GGT5: variants seen among roughly 807,000 people sequenced by gnomAD.
GGT5 encodes gamma-glutamyltransferase 5, also known as glutathione hydrolase 5 proenzyme.
Under a neutral mutation model 58.1 loss-of-function variants are expected in GGT5, and 50 were observed. That is an observed-to-expected ratio of 0.86 (90% confidence interval 0.69 to 1.09). The LOEUF (loss-of-function observed/expected upper bound fraction) is 1.09. Ranked by LOEUF, GGT5 falls within the 50% of genes least tolerant of loss-of-function variation. The pLI, the probability that GGT5 is intolerant of heterozygous loss-of-function variation, is 0.00. For synonymous variants in GGT5, 370 were observed against 346.1 expected, an observed-to-expected ratio of 1.07 and a Z score of -0.77; for missense variants, 800 against 789.4, an observed-to-expected ratio of 1.01 and a Z score of -0.16.
chr22:24,240,126 A>T (rs1043418842), intron 1 of GGT5, among the ~76,000 whole-genome samples: 2 of 152,214 alleles, frequency 1.3e-5, no homozygotes, highest in Non-Finnish European at 2.9e-5. Flanking sequence ...GTACTAGCTC[A>T]TGTTAGACTT....
intron 6 of GGT5, among the ~76,000 whole-genome samples, chr22:24,231,156 G>A (rs1016334608): frequency 6.6e-6 from 1 of 152,192 alleles, no homozygotes; most frequent in African/African-American, 2.4e-5. Context: ...ATGATATCAC[G>A]CCCTTCAGCA....
chr22:24,225,515 G>T, intron 9 of GGT5, 31 bp downstream of exon 9: 7 of 1,583,392 alleles, frequency 4.4e-6, no homozygotes, highest in Non-Finnish European at 6.1e-6. Context: ...GGGGGCCCTT[G>T]TGGACCCCGG....
At chr22:24,229,367 T>C (rs768533847) in intron 6 of GGT5, among the ~76,000 whole-genome samples, 1 of 150,610 alleles carries the variant, frequency 6.6e-6, no homozygotes, top group Non-Finnish European at 1.5e-5. Context: ...AGACGCACCA[T>C]TGCACTCCAG....
rs199821019 is a variant in GGT5, at chr22:24,226,316, C to G, written c.1039-50G>C. On this transcript the variant is annotated intron_variant, in intron 7 of 11. Transcript: ENST00000327365. The stretch of plus-strand genomic sequence containing the variant: ...GGTCAGTGAGGGGCCAGGCAGAATC[C>G]GCAGAACCAAGGGCAGGATGAGATC... 1.2e-5 allele frequency: 17 copies of G among 1,442,422 alleles called. No homozygotes were observed. In the Admixed American group the frequency reaches 2.3e-4, roughly 20 times the overall value. 89.4% of individuals were successfully genotyped at this position (1,442,422 alleles called of 1,614,324 possible). A position where few individuals can be genotyped will look rare whatever the true frequency, so the allele number is the denominator to read the frequency against.
chr22:24,222,232 C>G (rs544435396), intron 11 of GGT5, among the ~76,000 whole-genome samples: 1 of 151,986 alleles, frequency 6.6e-6, no homozygotes, highest in Admixed American at 6.6e-5. Context: ...AACTAATGGC[C>G]CGAGAACCTC....
intron 4 of GGT5, among the ~76,000 whole-genome samples, chr22:24,232,502 C>T (rs2047974876): frequency 6.6e-6 from 1 of 152,108 alleles, no homozygotes; most frequent in Admixed American, 6.5e-5. Context: ...CTGGGTGGGG[C>T]AGGTGAGAGT....
rs182997099 is a variant in GGT5 at position 24,222,848 on chromosome 22, C to A, written c.1614+2148G>T. On this transcript the variant is annotated intron_variant, in intron 11 of 11. Coordinates refer to ENST00000327365, the MANE Select transcript of GGT5 (RefSeq NM_004121.5). ...ATCCCAGCACTTTGGGAGGCCAAGGCGGGCGGATCACAAGGTCAGGAGATC... is the reference window on the plus strand; with the variant it reads ...ATCCCAGCACTTTGGGAGGCCAAGGAGGGCGGATCACAAGGTCAGGAGATC... Among the ~76,000 whole-genome samples, 16 of 150,224 alleles carry A rather than the reference C, an allele frequency of 1.1e-4. No homozygotes were observed. In the East Asian group the frequency reaches 2.2e-3, roughly 21 times the overall value.
At chr22:24,226,929 A>T (rs1342084573) in intron 6 of GGT5, among the ~76,000 whole-genome samples, 162 bp from the exon 7 acceptor site, 1 of 151,350 alleles carries the variant, frequency 6.6e-6, no homozygotes, top group Non-Finnish European at 1.5e-5. Context: ...TTAAGTGGAA[A>T]AGTAAGTTAA....
At position 24,226,281 on chromosome 22, in the gene GGT5, C is replaced by A; in HGVS notation, c.1039-15G>T. ...CGGGAGGCATTCTGGGGTGGGTGGGCAGGTGGCAGGGTCAGTGAGGGGCCA... is the reference window on the plus strand; with the variant it reads ...CGGGAGGCATTCTGGGGTGGGTGGGAAGGTGGCAGGGTCAGTGAGGGGCCA... On this transcript the variant is annotated splice_polypyrimidine_tract_variant and intron_variant, in intron 7 of 11. Coordinates refer to ENST00000327365, the MANE Select transcript of GGT5 (RefSeq NM_004121.5). 6.3e-7 allele frequency: 1 copy of A among 1,578,302 alleles called. No homozygotes were observed. The highest frequency in any genetic ancestry group is 8.6e-7 in the Non-Finnish European group (1 of 1,163,526).
At chr22:24,233,369 C>T (rs1210199101) in intron 3 of GGT5, 129 bp downstream of exon 3, 6 of 597,096 alleles carry the variant, frequency 1.0e-5, no homozygotes, top group Admixed American at 3.1e-5. Context: ...GGGGGTTCCC[C>T]ACAGGCTCCG....
Position 24,238,925 on chromosome 22 carries a change from AATATATATTATATAATATATATATAT to A in GGT5, c.174-4947_174-4922del, listed in dbSNP as rs2048241210. Among the ~76,000 whole-genome samples, 3 of 20,890 alleles carry A rather than the reference AATATATATTATATAATATATATATAT, an allele frequency of 1.4e-4. 1 individual carries two copies. In the East Asian group the frequency reaches 4.4e-3, roughly 31 times the overall value. The allele number at this position is 20,890 out of a possible 152,430, so 13.7% of individuals were successfully genotyped here. A position where few individuals can be genotyped will look rare whatever the true frequency, so the allele number is the denominator to read the frequency against. Reference sequence around the variant, plus strand: ...TATATATTATATATATTATATATATAATATATATTATATAATATATATATATATATATAATATATATATAGCCCATG... The same window carrying A: ...TATATATTATATATATTATATATATAATATATAATATATATATAGCCCATG... On this transcript the variant is annotated intron_variant, in intron 1 of 11. Transcript: ENST00000327365.
At chr22:24,228,239 C>T (rs2148902057) in intron 6 of GGT5, among the ~76,000 whole-genome samples, 1 of 151,990 alleles carries the variant, frequency 6.6e-6, no homozygotes, top group Non-Finnish European at 1.5e-5. Flanking sequence ...GTTGAGGCTG[C>T]AGTGAGCCTT....
chr22:24,241,556 G>C (rs2048328201), intron 1 of GGT5: 1 of 152,156 alleles, frequency 6.6e-6, no homozygotes, highest in Non-Finnish European at 1.5e-5. Context: ...TTTACCTAAA[G>C]TCAACTGACT....
Position 24,232,966 on chromosome 22 carries a change from G to T in GGT5, c.453C>A (p.His151Gln). The T allele has an allele frequency of 6.4e-7, 1 of 1,563,112 alleles. No homozygotes were observed. Among genetic ancestry groups the T allele is most frequent in the South Asian group, 1.2e-5 (1 of 84,926 alleles). The change falls in exon 4 of 12, where the codon CAC (histidine) becomes CAA (glutamine). Residue 151 changes from histidine to glutamine, a missense_variant. Transcript: ENST00000327365. ...PGELRGYAEA[H>Q]RRHGRLPWAQ... ...CCCAGGGCAGGCGGCCATGGCGGCGGTGGGCCTCGGCATAGCCACGGAGCT... is the reference window on the plus strand; with the variant it reads ...CCCAGGGCAGGCGGCCATGGCGGCGTTGGGCCTCGGCATAGCCACGGAGCT...
intron 5 of GGT5, 44 bp downstream of exon 5, chr22:24,232,007 C>A: frequency 6.4e-7 from 1 of 1,567,354 alleles, no homozygotes; most frequent in Non-Finnish European, 8.8e-7. Context: ...GAACTTGGCT[C>A]TTCCTCCAGC....
chr22:24,237,405 ATATT>A (rs67402234), intron 1 of GGT5, among the ~76,000 whole-genome samples: 59,865 of 151,030 alleles, frequency 0.4, 12,152 homozygotes, highest in Admixed American at 0.53. Context: ...AAATTATTTT[ATATT>A]TATTTATTTA....
In GGT5 at chr22:24,232,990, C is replaced by T. The variant is rs762112137; in HGVS notation, c.429G>A (p.Glu143=). The T allele has an allele frequency of 3.9e-6, 6 of 1,553,766 alleles. No homozygotes were observed. The highest frequency in any genetic ancestry group is 5.2e-6 in the Non-Finnish European group (6 of 1,149,624). ...GGTGGGCCTCGGCATAGCCACGGAG[C>T]TCCCCGGGCACCCCGATCCACTGGG... The part of the protein sequence containing the change: ...TGAQWIGVPG[E]LRGYAEAHRR... Residue 143 remains glutamate (E), a synonymous_variant, in exon 4 of 12, where the codon GAG becomes GAA. Coordinates refer to ENST00000327365, the MANE Select transcript of GGT5 (RefSeq NM_004121.5).
chr22:24,224,066 A>G (rs1463665254), intron 11 of GGT5, among the ~76,000 whole-genome samples: 1 of 151,744 alleles, frequency 6.6e-6, no homozygotes, highest in Non-Finnish European at 1.5e-5. Context: ...CCCGGCCACT[A>G]TCAATCTTTT....
intron 1 of GGT5, among the ~76,000 whole-genome samples, chr22:24,239,876 G>C (rs998959986): frequency 4.6e-5 from 7 of 151,520 alleles, no homozygotes; most frequent in Admixed American, 1.3e-4. Context: ...AAGGTGAGGA[G>C]TTCAAGACCA....
Sources: gnomAD v4.1 joint callset for allele counts (sites outside exome capture counted in the v4.1 genomes callset) on GRCh38, gnomAD v4.1.1 for gene constraint, MANE v1.5 for transcripts, NCBI Gene and HGNC (gene_info 2026-07-23, HGNC 2026-07-21) for gene names.